The following ATXN7 variants were observed in gnomAD, a reference collection of about 807,000 sequenced individuals.
The protein encoded by ATXN7 is ataxin 7, also known as ataxin-7.
ATXN7 carries 12 observed loss-of-function variants against 70.5 expected under a neutral mutation model. That is an observed-to-expected ratio of 0.17 (90% CI 0.11 to 0.28). The LOEUF is 0.28. ATXN7 is among the 10% of genes least tolerant of loss of function. The pLI is 1.00. For missense variants in ATXN7, 1,256 were observed against 1,131.7 expected, an observed-to-expected ratio of 1.11 and a Z score of -1.58; for synonymous variants, 498 against 448.7, an observed-to-expected ratio of 1.11 and a Z score of -1.39.
In ATXN7 at chr3:63,908,142, C is replaced by G. The variant is rs73117040; in HGVS notation, c.-11-4446C>G. On this transcript the variant is annotated intron_variant, in intron 2 of 12. Transcript: ENST00000674280. ...CTATTTATGTCTTATCTTTTAAGTC[C>G]TCACTCTTGCAACTTTCCTTATTAT... is the stretch of plus-strand genomic sequence containing the variant. Among the ~76,000 whole-genome samples, 1,077 of 152,222 alleles carry G rather than the reference C, an allele frequency of 7.1e-3. 10 individuals are homozygous for G. Among genetic ancestry groups the G allele is most frequent in the Non-Finnish European group, 0.012 (790 of 68,026 alleles).
intron 4 of ATXN7, among the ~76,000 whole-genome samples, chr3:63,937,959 C>T (rs1028171136): frequency 5.3e-5 from 8 of 152,172 alleles, no homozygotes; most frequent in Non-Finnish European, 1.0e-4. Flanking sequence ...CCATTAAGTT[C>T]TCAATAAATG....
At chr3:63,932,853 C>T (rs962591857) in intron 4 of ATXN7, among the ~76,000 whole-genome samples, 2 of 152,136 alleles carry the variant, frequency 1.3e-5, no homozygotes, top group African/African-American at 2.4e-5. Context: ...TGTGTTCAGC[C>T]ATAGGGAGAT....
intron 5 of ATXN7, among the ~76,000 whole-genome samples, chr3:63,953,310 A>G (rs1274495522): frequency 6.6e-6 from 1 of 152,170 alleles, no homozygotes; most frequent in Non-Finnish European, 1.5e-5. Context: ...CAACTCGGGC[A>G]GCAATCTAGA....
At chr3:63,976,649 G>A (rs1193480354) in intron 5 of ATXN7, among the ~76,000 whole-genome samples, 3 of 152,128 alleles carry the variant, frequency 2.0e-5, no homozygotes, top group African/African-American at 4.8e-5. Context: ...CAAAGAAAAC[G>A]GGGAGGATGG....
intron 4 of ATXN7, among the ~76,000 whole-genome samples, chr3:63,933,721 C>T (rs1359574041): frequency 6.6e-6 from 1 of 152,112 alleles, no homozygotes; most frequent in Non-Finnish European, 1.5e-5. Flanking sequence ...GTGGTAATGT[C>T]CCTTGTATCC....
intron 5 of ATXN7, among the ~76,000 whole-genome samples, chr3:63,960,373 G>A (rs530395594): frequency 1.3e-5 from 2 of 152,172 alleles, no homozygotes; most frequent in Admixed American, 6.6e-5. Flanking sequence ...ATTGGACGGC[G>A]CAGGCAATGG....
In ATXN7 at chr3:63,990,800, T is replaced by A; in HGVS notation, c.1623T>A (p.Asn541Lys). ...ATTACGTGTTTGACTCCAGGTGGAA[T>A]CGACTTCGCTGCGCCCTCAACCTCA... The part of the protein sequence containing the change: ...RGYYVFDSRW[N>K]RLRCALNLMV... Residue 541 changes from asparagine to lysine, a missense_variant, in exon 11 of 13, where the codon AAT becomes AAA. Physicochemically the swap from Asn to Lys is moderately conservative, Grantham distance 94. Coordinates refer to ENST00000674280, the MANE Select transcript of ATXN7 (RefSeq NM_001377405.1). 1 of 1,614,220 alleles carries A rather than the reference T, an allele frequency of 6.2e-7. No homozygotes were observed. The highest frequency in any genetic ancestry group is 8.5e-7 in the Non-Finnish European group (1 of 1,180,046).
chr3:63,952,104 C>G (rs530269505), intron 4 of ATXN7, among the ~76,000 whole-genome samples: 2 of 152,300 alleles, frequency 1.3e-5, no homozygotes, highest in African/African-American at 4.8e-5. Flanking sequence ...TAGAGTTCAT[C>G]TAATGTTGCT....
chr3:63,889,110 A>G (rs567770596), intron 1 of ATXN7, among the ~76,000 whole-genome samples: 2 of 152,324 alleles, frequency 1.3e-5, no homozygotes, highest in East Asian at 1.9e-4. Context: ...ATATTTGAAC[A>G]GCAGCTAAAG....
chr3:63,898,925 C>T (rs1350543108), intron 2 of ATXN7, among the ~76,000 whole-genome samples: 1 of 152,174 alleles, frequency 6.6e-6, no homozygotes, highest in East Asian at 1.9e-4. Flanking sequence ...AGATCATCAG[C>T]AAGACTGTAA....
intron 12 of ATXN7, chr3:63,998,253 T>G (rs2075792168): frequency 8.5e-6 from 7 of 827,258 alleles, no homozygotes; most frequent in Non-Finnish European, 8.6e-6. Flanking sequence ...TACTAGAAAT[T>G]GGGGGGACAT....
At chr3:63,954,629 C>T (rs1575945666) in intron 5 of ATXN7, among the ~76,000 whole-genome samples, 1 of 150,610 alleles carries the variant, frequency 6.6e-6, no homozygotes, top group Non-Finnish European at 1.5e-5. Context: ...TCACTGGTTA[C>T]AGTATACTTA....
chr3:63,950,857 A>T (rs774985821), intron 4 of ATXN7, among the ~76,000 whole-genome samples: 3 of 152,180 alleles, frequency 2.0e-5, no homozygotes, highest in Non-Finnish European at 4.4e-5. Context: ...TAATCAGTTT[A>T]TACCATCAAA....
chr3:63,890,321 T>C (rs560727080), intron 1 of ATXN7, among the ~76,000 whole-genome samples: 2 of 152,302 alleles, frequency 1.3e-5, no homozygotes, highest in South Asian at 4.1e-4. Context: ...TGAGACAGTG[T>C]GTAAAATGAT....
chr3:63,885,978 C>T (rs1703074468), intron 1 of ATXN7, among the ~76,000 whole-genome samples: 1 of 152,122 alleles, frequency 6.6e-6, no homozygotes, highest in Non-Finnish European at 1.5e-5. Context: ...GATCACGCCA[C>T]TATACTCCAG....
intron 11 of ATXN7, among the ~76,000 whole-genome samples, chr3:63,993,275 A>ATT (rs556994956): frequency 1.2e-4 from 14 of 115,994 alleles, no homozygotes; most frequent in Admixed American, 5.3e-4. Context: ...TTGTTGGTGT[A>ATT]TTTTTTTTTT....
In ATXN7 at chr3:63,996,461, T is replaced by A; in HGVS notation, c.2639T>A (p.Met880Lys). Residue 880 changes from methionine (M) to lysine (K), a missense_variant, in exon 12 of 13, where the codon ATG (methionine) becomes AAG (lysine). Physicochemically the swap from Met to Lys is moderately conservative, Grantham distance 95. Coordinates refer to ENST00000674280, the MANE Select transcript of ATXN7 (RefSeq NM_001377405.1). ...ACCATCCCAGGGGCACAAGGACTGA[T>A]GAACAGTTCCCTCCTTCATCAGGTA... ...TGTIPGAQGL[M>K]NSSLLHQPKA... 6.2e-7 allele frequency: 1 copy of A among 1,614,162 alleles called. No individual in the cohort carries two copies. The highest frequency in any genetic ancestry group is 8.5e-7 in the Non-Finnish European group (1 of 1,180,026).
intron 2 of ATXN7, among the ~76,000 whole-genome samples, chr3:63,909,946 ATTAG>A (rs1388636495): frequency 2.6e-5 from 4 of 152,214 alleles, no homozygotes; most frequent in African/African-American, 9.7e-5. Flanking sequence ...ATAGCTTGCT[ATTAG>A]TTTTGAGTAT....
intron 5 of ATXN7, among the ~76,000 whole-genome samples, chr3:63,959,621 GA>G (rs1158114860): frequency 6.6e-6 from 1 of 152,046 alleles, no homozygotes; most frequent in East Asian, 1.9e-4. Flanking sequence ...AAATTTTTCA[GA>G]TAACTTAAGT....
Sources: allele counts gnomAD v4.1 joint callset (sites outside exome capture counted in the v4.1 genomes callset), GRCh38; gene constraint gnomAD v4.1.1; transcripts MANE v1.5; gene names NCBI Gene and HGNC (gene_info 2026-07-23, HGNC 2026-07-21).